ELP1: variants seen among roughly 807,000 people sequenced by gnomAD.
The protein encoded by ELP1 is elongator complex protein 1.
ELP1 carries 131 observed loss-of-function variants against 183.2 expected under a neutral mutation model. The ratio of observed to expected loss-of-function variants is 0.72; its 90% CI spans 0.62 to 0.83. The LOEUF is 0.83. Among genes scored for constraint, ELP1 ranks in the 40% least tolerant of loss-of-function variants. The pLI is 0.00. For synonymous variants in ELP1, 555 were observed against 569.0 expected (o/e 0.98, Z 0.35); for missense variants, 1,550 against 1,594.9 (o/e 0.97, Z 0.48).
chr9:108,902,252 C>G (rs188977353), intron 16 of ELP1, among the ~76,000 whole-genome samples: 2 of 152,080 alleles, frequency 1.3e-5, no homozygotes, highest in Non-Finnish European at 2.9e-5. Flanking sequence ...TCACTGCCTC[C>G]GAGAGGCCTT....
intron 26 of ELP1, 86 bp downstream of exon 26, chr9:108,893,857 T>C: frequency 7.2e-7 from 1 of 1,380,360 alleles, no homozygotes; most frequent in Non-Finnish European, 1.0e-6. Context: ...AATCAGTCAC[T>C]GTCTAAACTA....
intron 28 of ELP1, among the ~76,000 whole-genome samples, chr9:108,890,597 G>A (rs188733417): frequency 3.3e-5 from 5 of 152,198 alleles, no homozygotes; most frequent in South Asian, 4.2e-4. Flanking sequence ...TACCAGCCTC[G>A]CCTCTGGTTC....
chr9:108,874,957 T>A lies in ELP1; in HGVS notation c.3869A>T (p.Asn1290Ile). The change falls in exon 36 of 37, where the codon AAT (asparagine) becomes ATT (isoleucine). Residue 1290 changes from asparagine (N) to isoleucine (I), a missense_variant. Asn to Ile is a moderately radical substitution (Grantham distance 149, BLOSUM62 -3). Coordinates refer to ENST00000374647, the MANE Select transcript of ELP1 (RefSeq NM_003640.5). ...TGCCATGATACTATTTGCAGTAGAATTGGGACCTAGAACCTGAGGAGAAAA... is the reference window on the plus strand; with the variant it reads ...TGCCATGATACTATTTGCAGTAGAAATGGGACCTAGAACCTGAGGAGAAAA... ...QNSATPVLGP[N>I]STANSIMASY... The A allele has an allele frequency of 6.2e-7, 1 of 1,611,024 alleles. No individual in the cohort carries two copies. Among genetic ancestry groups the A allele is most frequent in the Non-Finnish European group, 8.5e-7 (1 of 1,177,292 alleles).
chr9:108,928,786 G>GA (rs1554703336), intron 3 of ELP1, among the ~76,000 whole-genome samples: 2 of 149,368 alleles, frequency 1.3e-5, no homozygotes, highest in Non-Finnish European at 1.5e-5. Context: ...TTTCAAATAC[G>GA]AAAAAAAAAC....
chr9:108,901,574 T>A (rs1828810941), intron 17 of ELP1, 44 bp from the exon 18 acceptor site: 1 of 1,607,336 alleles, frequency 6.2e-7, no homozygotes. Flanking sequence ...GCTAGCTAGA[T>A]TACTCGGAGC....
intron 24 of ELP1, 116 bp from the exon 25 acceptor site, chr9:108,896,760 A>T: frequency 1.1e-5 from 12 of 1,087,954 alleles, no homozygotes; most frequent in Middle Eastern, 2.0e-4. Context: ...ACATCAGAAG[A>T]ATATATACTT....
intron 16 of ELP1, among the ~76,000 whole-genome samples, chr9:108,902,211 C>A (rs1045964229): frequency 2.0e-5 from 3 of 152,260 alleles, no homozygotes; most frequent in Non-Finnish European, 4.4e-5. Flanking sequence ...GGAGACAGAG[C>A]CTTCTTTTTC....
At position 108,903,792 on chromosome 9, in the gene ELP1, A is replaced by C. The variant is rs2275634; in HGVS notation, c.1644-123T>G. ...TGCACTACCTACTTCAATACAATGT[A>C]GACAAAATACATATATACACACCCA... On this transcript the variant is annotated intron_variant, in intron 14 of 36. Coordinates refer to ENST00000374647, the MANE Select transcript of ELP1 (RefSeq NM_003640.5). The C allele has an allele frequency of 2.1e-3, 1,516 of 721,334 alleles. 13 individuals are homozygous for C. In the East Asian group the frequency reaches 0.03, roughly 14 times the overall value. The allele number at this position is 721,334 out of a possible 1,614,324, so 44.7% of individuals were successfully genotyped here. A position where few individuals can be genotyped will look rare whatever the true frequency, so the allele number is the denominator to read the frequency against.
chr9:108,871,230 T>C (rs1401901991), intron 36 of ELP1, among the ~76,000 whole-genome samples: 1 of 152,120 alleles, frequency 6.6e-6, no homozygotes, highest in African/African-American at 2.4e-5. Context: ...AGAGTACTGT[T>C]TGTAACGAGC....
intron 28 of ELP1, 146 bp from the exon 29 acceptor site, chr9:108,889,539 T>C: frequency 1.4e-6 from 1 of 736,366 alleles, no homozygotes; most frequent in Non-Finnish European, 2.4e-6. Flanking sequence ...CAGAGTCCTA[T>C]CTTAAATGGC....
In ELP1 at chr9:108,917,641, T is replaced by A. The variant is rs1238666994; in HGVS notation, c.770A>T (p.Gln257Leu). 3.1e-6 allele frequency: 5 copies of A among 1,613,972 alleles called. No homozygotes were observed. In the Admixed American group the frequency reaches 5.0e-5, roughly 16 times the overall value. Residue 257 changes from glutamine (Q) to leucine (L), a missense_variant, in exon 9 of 37, where the codon CAA becomes CTA. Coordinates refer to ENST00000374647, the MANE Select transcript of ELP1 (RefSeq NM_003640.5). ...KPSGSLIAST[Q>L]DKPNQQDIVF... is the part of the protein sequence containing the mutation. Reference sequence around the variant, plus strand: ...AATATCCTGCTGGTTGGGTTTATCTTGTGTAGATGCAATCAAACTGCCTGA... The same window carrying A: ...AATATCCTGCTGGTTGGGTTTATCTAGTGTAGATGCAATCAAACTGCCTGA...
intron 36 of ELP1, among the ~76,000 whole-genome samples, chr9:108,869,795 C>T (rs186290729): frequency 6.6e-6 from 1 of 152,182 alleles, no homozygotes; most frequent in African/African-American, 2.4e-5. Flanking sequence ...TCATATACTG[C>T]AAGCAGAGAT....
intron 35 of ELP1, among the ~76,000 whole-genome samples, chr9:108,876,449 A>C (rs1309789977): frequency 6.6e-6 from 1 of 152,188 alleles, no homozygotes; most frequent in Non-Finnish European, 1.5e-5. Context: ...TAACCTTCAA[A>C]GCATTCTATT....
intron 12 of ELP1, among the ~76,000 whole-genome samples, chr9:108,908,857 C>G (rs1301533963): frequency 6.6e-6 from 1 of 152,192 alleles, no homozygotes; most frequent in Non-Finnish European, 1.5e-5. Flanking sequence ...GGAGTAAAAG[C>G]CGCAAGGCCC....
chr9:108,872,542 C>T (rs1051541342), intron 36 of ELP1, among the ~76,000 whole-genome samples: 7 of 152,076 alleles, frequency 4.6e-5, no homozygotes, highest in Admixed American at 1.3e-4. Context: ...CGGTGGCTCA[C>T]GCTTGTAATC....
intron 16 of ELP1, among the ~76,000 whole-genome samples, chr9:108,902,247 G>A (rs1376522592): frequency 6.6e-6 from 1 of 151,968 alleles, no homozygotes; most frequent in Non-Finnish European, 1.5e-5. Context: ...ACACATCACT[G>A]CCTCCGAGAG....
intron 11 of ELP1, among the ~76,000 whole-genome samples, chr9:108,911,627 T>C (rs867439494): frequency 4.0e-4 from 61 of 152,320 alleles, no homozygotes; most frequent in African/African-American, 1.4e-3. Flanking sequence ...TGTAGAATAT[T>C]ACACAGAATA....
chr9:108,929,089 G>C (rs985025541), intron 3 of ELP1, among the ~76,000 whole-genome samples: 1 of 152,328 alleles, frequency 6.6e-6, no homozygotes, highest in South Asian at 2.1e-4. Context: ...ATAAATGTAA[G>C]CTGCTATCAT....
In ELP1 at chr9:108,897,244, G is replaced by T; in HGVS notation, c.2405C>A (p.Thr802Asn). Residue 802 changes from threonine (T) to asparagine (N), a missense_variant, in exon 23 of 37, where the codon ACC (threonine) becomes AAC (asparagine). Thr to Asn is a moderately conservative substitution (Grantham distance 65). Coordinates refer to ENST00000374647, the MANE Select transcript of ELP1 (RefSeq NM_003640.5). The stretch of plus-strand genomic sequence containing the variant: ...ATCCCTGGACAGGTAGACACTGCTG[G>T]TAACTGGTGCAGGGTACATGGTCTT... ...VTKTMYPAPV[T>N]SSVYLSRDPD... 6.2e-7 allele frequency: 1 copy of T among 1,614,120 alleles called. No homozygotes were observed. The highest frequency in any genetic ancestry group is 1.7e-4 in the Middle Eastern group (1 of 6,060).
Sources: allele counts gnomAD v4.1 joint callset (sites outside exome capture counted in the v4.1 genomes callset), GRCh38; gene constraint gnomAD v4.1.1; transcripts MANE v1.5; gene names NCBI Gene and HGNC (gene_info 2026-07-23, HGNC 2026-07-21).